COL28A1: variants seen among roughly 807,000 people sequenced by gnomAD.
COL28A1 encodes the protein collagen alpha-1(XXVIII) chain.
Under a neutral mutation model 150.2 loss-of-function variants are expected in COL28A1, and 161 were observed. That is an observed-to-expected ratio of 1.07 (90% confidence interval 0.94 to 1.22). The LOEUF is 1.22. COL28A1 is among the 50% of genes most tolerant of loss of function. The pLI is 0.00. For missense variants in COL28A1, 1,617 were observed against 1,388.3 expected, an observed-to-expected ratio of 1.16 and a Z score of -2.62; for synonymous variants, 552 against 469.7, an observed-to-expected ratio of 1.18 and a Z score of -2.26.
intron 27 of COL28A1, among the ~76,000 whole-genome samples, chr7:7,410,188 C>T (rs910514293): frequency 7.2e-5 from 11 of 152,142 alleles, no homozygotes; most frequent in African/African-American, 2.4e-4. Flanking sequence ...ATGTGTACTA[C>T]CCTACAGAGA....
At chr7:7,406,473 C>A (rs1450406828) in intron 27 of COL28A1, among the ~76,000 whole-genome samples, 3 of 152,102 alleles carry the variant, frequency 2.0e-5, no homozygotes, top group Non-Finnish European at 2.9e-5. Flanking sequence ...TCTGTGCTCA[C>A]AGAATTTCTT....
chr7:7,529,823 G>A (rs1782246109), intron 3 of COL28A1, among the ~76,000 whole-genome samples: 1 of 152,196 alleles, frequency 6.6e-6, no homozygotes, highest in African/African-American at 2.4e-5. Context: ...TATGTTCAGT[G>A]GTGAGGACCC....
intron 25 of COL28A1, among the ~76,000 whole-genome samples, chr7:7,427,775 A>G (rs911937559): frequency 3.3e-5 from 5 of 152,308 alleles, no homozygotes; most frequent in Admixed American, 2.0e-4. Flanking sequence ...GCTTCTCTTT[A>G]ATGTTTATAT....
intron 8 of COL28A1, among the ~76,000 whole-genome samples, chr7:7,515,086 C>G (rs764291794): frequency 1.3e-5 from 2 of 152,136 alleles, no homozygotes; most frequent in Non-Finnish European, 2.9e-5. Context: ...TTTCTCATGC[C>G]TGAAGGTTGT....
chr7:7,437,758 C>T (rs1343252194), intron 21 of COL28A1, among the ~76,000 whole-genome samples: 1 of 152,032 alleles, frequency 6.6e-6, no homozygotes. Flanking sequence ...CATGGTGCTT[C>T]CTTTTTGTGT....
intron 15 of COL28A1, among the ~76,000 whole-genome samples, chr7:7,470,967 C>T (rs1222619954): frequency 3.0e-5 from 2 of 66,590 alleles, no homozygotes; most frequent in South Asian, 4.8e-4. Flanking sequence ...GTGGTGGGGT[C>T]GGGGGAGGGG....
chr7:7,400,685 C>T (rs1286876289), intron 27 of COL28A1, among the ~76,000 whole-genome samples: 1 of 127,250 alleles, frequency 7.9e-6, no homozygotes, highest in Non-Finnish European at 1.5e-5. Flanking sequence ...TATCTCCCAG[C>T]TTAAAAAAAA....
At chr7:7,537,735 A>G (rs996552347), upstream of COL28A1, among the ~76,000 whole-genome samples, 1 of 152,240 alleles carries the variant, frequency 6.6e-6, no homozygotes, top group Non-Finnish European at 1.5e-5. Context: ...AACAGAAAGA[A>G]GAAACGGTGG....
intron 25 of COL28A1, 69 bp from the exon 26 acceptor site, chr7:7,420,022 TTTTA>T: frequency 9.6e-7 from 1 of 1,037,656 alleles, no homozygotes; most frequent in Non-Finnish European, 1.4e-6. Flanking sequence ...AATATATATA[TTTTA>T]ATATCAAAAA....
chr7:7,482,959 A>G (rs1779427049), intron 13 of COL28A1, among the ~76,000 whole-genome samples: 1 of 152,190 alleles, frequency 6.6e-6, no homozygotes, highest in South Asian at 2.1e-4. Flanking sequence ...ATTTAGAGGG[A>G]GGAACAGCAG....
chr7:7,443,708 T>C (rs1393612715), intron 19 of COL28A1, 55 bp from the exon 20 acceptor site: 1 of 1,606,502 alleles, frequency 6.2e-7, no homozygotes, highest in Non-Finnish European at 8.5e-7. Context: ...AGACTGTACG[T>C]ATCATCCCAC....
chr7:7,400,973 T>TGG (rs200700715), intron 27 of COL28A1, among the ~76,000 whole-genome samples: 2,718 of 113,146 alleles, frequency 0.024, 61 homozygotes, highest in Non-Finnish European at 0.027. Flanking sequence ...TGTGGGTATT[T>TGG]GGGTGTGTGT....
In COL28A1 at chr7:7,531,444, A is replaced by G; in HGVS notation, c.585T>C (p.Asn195=). Residue 195 remains asparagine (N), a synonymous_variant, in exon 3 of 35, where the codon AAT becomes AAC. Coordinates refer to ENST00000399429, the MANE Select transcript of COL28A1 (RefSeq NM_001037763.3). ...FITIALSTVV[N]EAKLRLISGD... ...CAGAAATCAAACGAAGTTTGGCTTC[A>G]TTGACTACCGTAGAAAGTGCAATGG... 1 of 1,601,376 alleles carries G rather than the reference A, an allele frequency of 6.2e-7. No individual in the cohort carries two copies. Among genetic ancestry groups the G allele is most frequent in the Non-Finnish European group, 8.6e-7 (1 of 1,168,796 alleles).
At chr7:7,367,355 T>C (rs2128281356) in intron 33 of COL28A1, among the ~76,000 whole-genome samples, 1 of 152,312 alleles carries the variant, frequency 6.6e-6, no homozygotes, top group Admixed American at 6.5e-5. Flanking sequence ...TAAATGTGAA[T>C]AGAAATGCAC....
chr7:7,461,125 CT>C (rs1787585956), intron 15 of COL28A1, among the ~76,000 whole-genome samples: 1 of 152,208 alleles, frequency 6.6e-6, no homozygotes, highest in South Asian at 2.1e-4. Flanking sequence ...TTGTCCGCCC[CT>C]GAACACATAC....
At chr7:7,386,316 T>TA (rs1782179902) in intron 27 of COL28A1, among the ~76,000 whole-genome samples, 1 of 152,196 alleles carries the variant, frequency 6.6e-6, no homozygotes, top group African/African-American at 2.4e-5. Flanking sequence ...TAGATGATCA[T>TA]AAAATGTAAA....
At chr7:7,525,499 A>G in intron 3 of COL28A1, among the ~76,000 whole-genome samples, 1 of 152,322 alleles carries the variant, frequency 6.6e-6, no homozygotes, top group South Asian at 2.1e-4. Context: ...GTGTCAAACC[A>G]GTGCCTTGTG....
At chr7:7,402,863 T>G (rs73347174) in intron 27 of COL28A1, among the ~76,000 whole-genome samples, 3,914 of 152,284 alleles carry the variant, frequency 0.026, 183 homozygotes, top group African/African-American at 0.09. Context: ...TAATATTTGT[T>G]GAATAAATGC....
chr7:7,500,364 T>C (rs566567739), intron 11 of COL28A1, among the ~76,000 whole-genome samples: 9 of 152,306 alleles, frequency 5.9e-5, no homozygotes, highest in African/African-American at 2.2e-4. Flanking sequence ...GTGTGTGAAT[T>C]AGTGTGCAAA....
Sources: gnomAD v4.1 joint callset for allele counts (sites outside exome capture counted in the v4.1 genomes callset) on GRCh38, gnomAD v4.1.1 for gene constraint, MANE v1.5 for transcripts, NCBI Gene and HGNC (gene_info 2026-07-23, HGNC 2026-07-21) for gene names.